The following IREB2 variants were observed in gnomAD, a reference collection of about 807,000 sequenced individuals.
IREB2 encodes the protein iron responsive element binding protein 2, also known as iron-responsive element-binding protein 2.
A neutral mutation model predicts 118.8 loss-of-function variants in IREB2; 39 were observed. The ratio of observed to expected loss-of-function variants is 0.33; its 90% CI spans 0.25 to 0.43. The LOEUF (loss-of-function observed/expected upper bound fraction) is 0.43. Among genes scored for constraint, IREB2 ranks in the 20% least tolerant of loss-of-function variants. IREB2 has a pLI of 1.00. For missense variants in IREB2, 900 were observed against 1,147.3 expected (o/e 0.78, Z 3.11); for synonymous variants, 372 against 392.2 (o/e 0.95, Z 0.61).
intron 2 of IREB2, among the ~76,000 whole-genome samples, chr15:78,448,473 A>G (rs2050968632): frequency 6.6e-6 from 1 of 152,194 alleles, no homozygotes; most frequent in South Asian, 2.1e-4. Flanking sequence ...AAAGAGAGAA[A>G]AAAAAGGTCA....
intron 11 of IREB2, 36 bp downstream of exon 11, chr15:78,483,470 C>T (rs757927773): frequency 2.2e-5 from 25 of 1,131,702 alleles, no homozygotes; most frequent in Middle Eastern, 3.8e-4. Context: ...TTTTTCAACC[C>T]GCTTTGTGCT....
intron 7 of IREB2, among the ~76,000 whole-genome samples, chr15:78,472,643 A>G (rs2051399416): frequency 6.6e-6 from 1 of 152,246 alleles, no homozygotes; most frequent in African/African-American, 2.4e-5. Context: ...CTGGGATTAC[A>G]GGCGTGAGCC....
chr15:78,477,811 C>T (rs2051496841), intron 9 of IREB2, among the ~76,000 whole-genome samples: 1 of 151,932 alleles, frequency 6.6e-6, no homozygotes, highest in South Asian at 2.1e-4. Flanking sequence ...GTCCTAGCAA[C>T]TTGAGAGGCT....
chr15:78,489,953 A>T (rs1488974855), intron 16 of IREB2, among the ~76,000 whole-genome samples: 3 of 152,240 alleles, frequency 2.0e-5, no homozygotes, highest in African/African-American at 7.2e-5. Context: ...CTGTAGCAAC[A>T]TATAGAAATC....
rs538962774 is a variant in IREB2, at chr15:78,497,221, A to C, written c.2691A>C (p.Glu897Asp). 1.9e-6 allele frequency: 3 copies of C among 1,613,894 alleles called. No individual in the cohort carries two copies. In the East Asian group the frequency reaches 6.7e-5, roughly 36 times the overall value. The change falls in exon 21 of 22, where the codon GAA becomes GAC. Residue 897 changes from glutamate (E) to aspartate (D), a missense_variant. Physicochemically the swap from Glu to Asp is conservative, Grantham distance 45 (BLOSUM62 2). Coordinates refer to ENST00000258886, the MANE Select transcript of IREB2 (RefSeq NM_004136.4). ...GIAPLQFLPGENADSLGLSGR... is the reference protein window; with the variant it reads ...GIAPLQFLPGDNADSLGLSGR... ...CTCCACTTCAGTTCCTTCCAGGAGA[A>C]AATGCAGATTCCTTGGGCCTCTCCG...
chr15:78,452,896 A>T (rs1046484600), intron 2 of IREB2, among the ~76,000 whole-genome samples: 1 of 152,208 alleles, frequency 6.6e-6, no homozygotes, highest in Non-Finnish European at 1.5e-5. Flanking sequence ...ACAGCAAAGC[A>T]TTATCCTTAT....
At chr15:78,457,030 G>A (rs1013855750) in intron 2 of IREB2, among the ~76,000 whole-genome samples, 2 of 152,158 alleles carry the variant, frequency 1.3e-5, no homozygotes, top group African/African-American at 4.8e-5. Flanking sequence ...TTTATGTTAT[G>A]ACTATAAATG....
intron 21 of IREB2, 24 bp from the exon 22 acceptor site, chr15:78,498,009 T>G: frequency 1.8e-3 from 2,371 of 1,345,956 alleles, no homozygotes; most frequent in Non-Finnish European, 2.3e-3. Context: ...CTTGCTCACA[T>G]GAGATGTTTT....
chr15:78,473,559 T>C (rs1476456694), intron 8 of IREB2, 178 bp downstream of exon 8: 2 of 574,518 alleles, frequency 3.5e-6, no homozygotes, highest in Non-Finnish European at 6.1e-6. Flanking sequence ...TTTGTACTAA[T>C]AAATACAAAG....
intron 3 of IREB2, among the ~76,000 whole-genome samples, chr15:78,465,027 C>A (rs943878829): frequency 6.6e-6 from 1 of 152,152 alleles, no homozygotes; most frequent in Admixed American, 6.5e-5. Flanking sequence ...AAAATTATCT[C>A]TTATTATTTT....
At chr15:78,462,520 A>T (rs1382628477) in intron 2 of IREB2, among the ~76,000 whole-genome samples, 1 of 152,204 alleles carries the variant, frequency 6.6e-6, no homozygotes, top group African/African-American at 2.4e-5. Flanking sequence ...ACAGACATTT[A>T]TACAGTTTAA....
At chr15:78,441,219 T>C (rs2050839331) in intron 2 of IREB2, among the ~76,000 whole-genome samples, 1 of 152,152 alleles carries the variant, frequency 6.6e-6, no homozygotes, top group South Asian at 2.1e-4. Flanking sequence ...ATTTTAGAAT[T>C]AGGCTGTCAT....
intron 2 of IREB2, among the ~76,000 whole-genome samples, chr15:78,443,344 A>G (rs1433170011): frequency 1.3e-5 from 2 of 152,214 alleles, no homozygotes; most frequent in East Asian, 1.9e-4. Context: ...ATCTTTTACA[A>G]TAGAGAAAGG....
In IREB2 at chr15:78,460,405, A is replaced by G. The variant is rs528733608; in HGVS notation, c.107-2517A>G. 4.8e-4 allele frequency among the ~76,000 whole-genome samples: 73 copies of G among 152,340 alleles called. No homozygotes were observed. The South Asian group carries it at 0.014, about 29-fold the overall frequency. ...CCCTAGCAACTCTCATTGGTGATCA[A>G]TGAAAGGTTTTTTAAGAGTCATTAT... On this transcript the variant is annotated intron_variant, in intron 2 of 21. Transcript: ENST00000258886.
At chr15:78,461,537 T>A (rs777448075) in intron 2 of IREB2, among the ~76,000 whole-genome samples, 7 of 152,216 alleles carry the variant, frequency 4.6e-5, no homozygotes, top group South Asian at 2.1e-4. Flanking sequence ...TAACATACTT[T>A]GAGCCTTAGG....
At chr15:78,468,507 G>T (rs1214078750) in intron 5 of IREB2, among the ~76,000 whole-genome samples, 1 of 150,286 alleles carries the variant, frequency 6.7e-6, no homozygotes, top group Non-Finnish European at 1.5e-5. Context: ...GCCTCGCAAA[G>T]TGCTGGGACT....
chr15:78,453,228 A>G (rs1567165047), intron 2 of IREB2, among the ~76,000 whole-genome samples: 1 of 152,266 alleles, frequency 6.6e-6, no homozygotes, highest in South Asian at 2.1e-4. Context: ...ACAATATGTT[A>G]GAAGGAAAAC....
intron 2 of IREB2, among the ~76,000 whole-genome samples, chr15:78,458,469 T>C (rs1239389966): frequency 6.6e-6 from 1 of 152,036 alleles, no homozygotes; most frequent in Admixed American, 6.6e-5. Flanking sequence ...AAATTAAGCC[T>C]CTCATTATGT....
Position 78,470,593 on chromosome 15 carries a change from T to A in IREB2, c.691T>A (p.Phe231Ile), listed in dbSNP as rs1206546108. 2.5e-6 allele frequency: 4 copies of A among 1,576,606 alleles called. No homozygotes were observed. In the African/African-American group the frequency reaches 5.4e-5, roughly 21 times the overall value. Residue 231 changes from phenylalanine to isoleucine, a missense_variant, in exon 6 of 22, where the codon TTT (phenylalanine) becomes ATT (isoleucine). Transcript: ENST00000258886. ...EFGRNRERLQ[F>I]FKWSSRVFKN... ...CGGCAGAAATCGAGAGAGGCTTCAGTTTTTTAAGGTATAAATGATTCAGGG... is the reference window on the plus strand; with the variant it reads ...CGGCAGAAATCGAGAGAGGCTTCAGATTTTTAAGGTATAAATGATTCAGGG...
Sources: gnomAD v4.1 joint callset for allele counts (sites outside exome capture counted in the v4.1 genomes callset) on GRCh38, gnomAD v4.1.1 for gene constraint, MANE v1.5 for transcripts, NCBI Gene and HGNC (gene_info 2026-07-23, HGNC 2026-07-21) for gene names.